Variants in OPCML observed in about 807,000 individuals in gnomAD.
OPCML encodes opioid-binding protein/cell adhesion molecule.
OPCML carries 13 observed loss-of-function variants against 37.8 expected under a neutral mutation model. The observed-to-expected ratio is 0.34, with a 90% CI of 0.22 to 0.55. The LOEUF (loss-of-function observed/expected upper bound fraction) is 0.55, where lower values mean the gene tolerates loss of function less well. Ranked by LOEUF, OPCML falls within the 20% of genes least tolerant of loss-of-function variation. The pLI is 0.91. For synonymous variants in OPCML, 176 were observed against 168.8 expected, an observed-to-expected ratio of 1.04 and a Z score of -0.33; for missense variants, 341 against 435.6, an observed-to-expected ratio of 0.78 and a Z score of 1.93.
chr11:132,821,880 G>C (rs1391862733), intron 2 of OPCML, among the ~76,000 whole-genome samples: 3 of 152,064 alleles, frequency 2.0e-5, no homozygotes, highest in African/African-American at 7.2e-5. Flanking sequence ...ATCTCCCATG[G>C]CTTCTCTGCC....
intron 4 of OPCML, among the ~76,000 whole-genome samples, chr11:132,465,092 G>T (rs1357340632): frequency 6.6e-6 from 1 of 151,946 alleles, no homozygotes; most frequent in East Asian, 1.9e-4. Flanking sequence ...CTTTTTATGG[G>T]CTACATAAAA....
intron 1 of OPCML, chr11:133,007,458 C>T: frequency 1.0e-6 from 1 of 985,382 alleles, no homozygotes; most frequent in Non-Finnish European, 1.2e-6. Context: ...GCACACAAAG[C>T]CCTGCTGATT....
intron 2 of OPCML, among the ~76,000 whole-genome samples, chr11:132,668,273 G>C (rs560609984): frequency 6.6e-6 from 1 of 152,312 alleles, no homozygotes; most frequent in South Asian, 2.1e-4. Context: ...TGAGAGCTGA[G>C]AGTTCTTTAT....
chr11:133,148,871 A>G (rs1592050471), intron 1 of OPCML, among the ~76,000 whole-genome samples: 1 of 152,308 alleles, frequency 6.6e-6, no homozygotes, highest in East Asian at 1.9e-4. Context: ...GAAGGAAGGA[A>G]GGCTTAGAGT....
At chr11:132,725,379 A>G (rs1485163975) in intron 2 of OPCML, among the ~76,000 whole-genome samples, 1 of 152,146 alleles carries the variant, frequency 6.6e-6, no homozygotes, top group African/African-American at 2.4e-5. Flanking sequence ...AGTCCTTAGG[A>G]TGCACACAGC....
In OPCML at chr11:133,279,909, T is replaced by C. The variant is rs562232743; in HGVS notation, c.61+252355A>G. 2.0e-3 allele frequency among the ~76,000 whole-genome samples: 309 copies of C among 152,298 alleles called. 2 individuals are homozygous for C. Among genetic ancestry groups the C allele is most frequent in the South Asian group, 6.8e-3 (33 of 4,826 alleles). ...GGTGCAGGAGTTAATTGGTTATTTG[T>C]GAGGAAATAATGATAGAGGCAATAC... On this transcript the variant is annotated intron_variant, in intron 1 of 7. Coordinates refer to ENST00000524381, the MANE Select transcript of OPCML (RefSeq NM_001012393.5).
chr11:133,298,090 C>T (rs1383909343), intron 1 of OPCML: 2 of 152,128 alleles, frequency 1.3e-5, no homozygotes, highest in African/African-American at 4.8e-5. Context: ...TCCTCCTTTT[C>T]CTTCTTCTTT....
rs534982309 is a variant in OPCML, at chr11:133,257,113, C to T, written c.61+275151G>A. Among the ~76,000 whole-genome samples the T allele has an allele frequency of 3.3e-5, 5 of 152,180 alleles. No individual in the cohort carries two copies. The South Asian group carries it at 1.0e-3, about 31-fold the overall frequency. On this transcript the variant is annotated intron_variant, in intron 1 of 7. Transcript: ENST00000524381. ...TAGCAATCAGCTCTTTGCACCCTAC[C>T]TCGGTCCACTCCAGAACACCACTGT...
intron 1 of OPCML, among the ~76,000 whole-genome samples, chr11:133,112,281 T>C (rs1424785695): frequency 2.4e-5 from 1 of 42,304 alleles, no homozygotes; most frequent in African/African-American, 6.1e-5. Context: ...CATTGACTCT[T>C]GGCCAAAAAA....
chr11:132,567,275 A>G (rs1314839571), intron 3 of OPCML, among the ~76,000 whole-genome samples: 1 of 152,228 alleles, frequency 6.6e-6, no homozygotes, highest in Non-Finnish European at 1.5e-5. Context: ...TGCCACGCTC[A>G]TCATTGCAAT....
chr11:133,150,270 G>T (rs544407403), intron 1 of OPCML, among the ~76,000 whole-genome samples: 1 of 152,216 alleles, frequency 6.6e-6, no homozygotes, highest in Non-Finnish European at 1.5e-5. Context: ...GTCAGGGACT[G>T]CGCTAAACCC....
intron 7 of OPCML, among the ~76,000 whole-genome samples, chr11:132,424,537 G>A (rs1011729686): frequency 1.3e-5 from 2 of 152,170 alleles, no homozygotes; most frequent in Non-Finnish European, 2.9e-5. Context: ...AAGCATAACT[G>A]AGAAAACATC....
chr11:133,509,353 G>C (rs1948105452), intron 1 of OPCML, among the ~76,000 whole-genome samples: 1 of 152,198 alleles, frequency 6.6e-6, no homozygotes, highest in Admixed American at 6.5e-5. Context: ...AGTTTGCTGA[G>C]GATAATGGCT....
At chr11:132,975,299 G>T (rs1946433966) in intron 1 of OPCML, among the ~76,000 whole-genome samples, 1 of 151,718 alleles carries the variant, frequency 6.6e-6, no homozygotes, top group African/African-American at 2.4e-5. Context: ...TTTGTTTTCA[G>T]TTGTATGGCT....
chr11:132,585,415 T>G (rs774742550), intron 3 of OPCML, among the ~76,000 whole-genome samples: 1 of 151,404 alleles, frequency 6.6e-6, no homozygotes, highest in Non-Finnish European at 1.5e-5. Flanking sequence ...AAAAAAAAAC[T>G]GGTCTCTTTT....
intron 2 of OPCML, among the ~76,000 whole-genome samples, chr11:132,866,504 C>A (rs1942562818): frequency 6.6e-6 from 1 of 152,134 alleles, no homozygotes; most frequent in Admixed American, 6.5e-5. Context: ...CGATTTTTGA[C>A]TTTTTCATCT....
chr11:133,421,446 G>A (rs531224007), intron 1 of OPCML: 1 of 985,350 alleles, frequency 1.0e-6, no homozygotes, highest in East Asian at 1.1e-4. Flanking sequence ...CTCTTGTTAG[G>A]GCTCAAAGAA....
At chr11:133,287,322 G>GGC (rs1299237894) in intron 1 of OPCML, among the ~76,000 whole-genome samples, 1 of 131,854 alleles carries the variant, frequency 7.6e-6, no homozygotes, top group Non-Finnish European at 1.5e-5. Context: ...ATGTTGCCCA[G>GGC]GCTAGTCTCA....
intron 1 of OPCML, among the ~76,000 whole-genome samples, chr11:133,199,982 G>C (rs1342080297): frequency 6.6e-6 from 1 of 152,188 alleles, no homozygotes; most frequent in Admixed American, 6.5e-5. Context: ...CTGAAGAGAA[G>C]TCTTTCACAG....
Sources: gnomAD v4.1 joint callset for allele counts (sites outside exome capture counted in the v4.1 genomes callset) on GRCh38, gnomAD v4.1.1 for gene constraint, MANE v1.5 for transcripts, NCBI Gene and HGNC (gene_info 2026-07-23, HGNC 2026-07-21) for gene names.